KCNT2: variants seen among roughly 807,000 people sequenced by gnomAD.
The protein encoded by KCNT2 is potassium sodium-activated channel subfamily T member 2, also known as potassium channel subfamily T member 2.
KCNT2 carries 67 observed loss-of-function variants against 153.8 expected under a neutral mutation model. The observed-to-expected ratio is 0.44, with a 90% CI of 0.36 to 0.53. The LOEUF is 0.53. Among genes scored for constraint, KCNT2 ranks in the 20% least tolerant of loss-of-function variants. The probability of loss-of-function intolerance (pLI) is 0.00; values close to 1 mark genes in which losing one functional copy is unlikely to be tolerated. For missense variants in KCNT2, 975 were observed against 1,354.8 expected (o/e 0.72, Z 4.40); for synonymous variants, 500 against 458.8 (o/e 1.09, Z -1.15).
intron 8 of KCNT2, among the ~76,000 whole-genome samples, chr1:196,440,901 C>T (rs1675167159): frequency 6.6e-6 from 1 of 151,750 alleles, no homozygotes; most frequent in Non-Finnish European, 1.5e-5. Context: ...TGAGTTCCTA[C>T]AAATCTGAAC....
chr1:196,521,736 C>T (rs779937277), intron 1 of KCNT2, among the ~76,000 whole-genome samples: 54 of 151,918 alleles, frequency 3.6e-4, no homozygotes, highest in Admixed American at 9.2e-4. Flanking sequence ...CAAGTGGGAG[C>T]TAAATGATGA....
intron 5 of KCNT2, among the ~76,000 whole-genome samples, chr1:196,474,089 G>A (rs1411449744): frequency 3.3e-5 from 5 of 151,960 alleles, no homozygotes; most frequent in African/African-American, 9.7e-5. Context: ...AATCCAATTA[G>A]TCTACATTTA....
Position 196,411,861 on chromosome 1 carries a change from A to C in KCNT2, c.1185+11189T>G, listed in dbSNP as rs553989714. Among the ~76,000 whole-genome samples, 11 of 151,924 alleles carry C rather than the reference A, an allele frequency of 7.2e-5. No homozygotes were observed. The South Asian group carries it at 2.3e-3, about 32-fold the overall frequency. On this transcript the variant is annotated intron_variant, in intron 12 of 27. Coordinates refer to ENST00000294725, the MANE Select transcript of KCNT2 (RefSeq NM_198503.5). ...TTGTGGATATTACCAATCCCTGTAT[A>C]TGCTATGTTTTTAACTATAGATATG...
In KCNT2 at chr1:196,252,272, A is replaced by G. The variant is rs113779496; in HGVS notation, c.3211+5922T>C. Among the ~76,000 whole-genome samples, 752 of 151,856 alleles carry G rather than the reference A, an allele frequency of 5.0e-3. 6 individuals carry two copies. The highest frequency in any genetic ancestry group is 0.017 in the African/African-American group (704 of 41,524). ...GCAAACTTTTGTTCTGTAAAGAGCC[A>G]GATAGTAAATATTTTAGGCTTTGCA... On this transcript the variant is annotated intron_variant, in intron 26 of 27. Transcript: ENST00000294725.
chr1:196,497,302 T>C (rs1357074444), intron 1 of KCNT2, among the ~76,000 whole-genome samples: 1 of 152,090 alleles, frequency 6.6e-6, no homozygotes, highest in Admixed American at 6.5e-5. Flanking sequence ...TTACATAACT[T>C]TCATGTTTTA....
rs553172069 is a variant in KCNT2, at chr1:196,277,876, C to CA, written c.2910+2983dup. Among the ~76,000 whole-genome samples the CA allele has an allele frequency of 2.6e-3, 385 of 150,478 alleles. 3 individuals are homozygous for CA. The highest frequency in any genetic ancestry group is 5.2e-3 in the Admixed American group (78 of 15,086). On this transcript the variant is annotated intron_variant, in intron 25 of 27. Transcript: ENST00000294725. ...AAAATAATGTTTTATTCTTTAAATA[C>CA]AAAAAAAAACCTCAATGTCTTTATT...
At chr1:196,369,627 C>T (rs1668347767) in intron 14 of KCNT2, among the ~76,000 whole-genome samples, 1 of 152,118 alleles carries the variant, frequency 6.6e-6, no homozygotes, top group African/African-American at 2.4e-5. Context: ...TTTCCAATTT[C>T]ATCCATGTCC....
intron 1 of KCNT2, among the ~76,000 whole-genome samples, chr1:196,602,491 A>T (rs1472822562): frequency 6.6e-6 from 1 of 152,226 alleles, no homozygotes; most frequent in African/African-American, 2.4e-5. Context: ...CAGGGAAATG[A>T]TTAAGTCACT....
At chr1:196,250,712 C>G (rs181583627) in intron 26 of KCNT2, among the ~76,000 whole-genome samples, 4 of 152,058 alleles carry the variant, frequency 2.6e-5, no homozygotes, top group African/African-American at 4.8e-5. Context: ...AAACTATCTG[C>G]AAACTGTGTA....
chr1:196,250,074 T>C (rs758021619), intron 26 of KCNT2, among the ~76,000 whole-genome samples: 2 of 152,054 alleles, frequency 1.3e-5, no homozygotes, highest in Non-Finnish European at 2.9e-5. Context: ...ACCAATGATA[T>C]TCTTCACACA....
intron 1 of KCNT2, among the ~76,000 whole-genome samples, chr1:196,522,360 G>T (rs906106381): frequency 1.5e-4 from 23 of 152,268 alleles, no homozygotes; most frequent in African/African-American, 5.1e-4. Flanking sequence ...ACTACTAGAG[G>T]TACCAGCAGT....
intron 21 of KCNT2, among the ~76,000 whole-genome samples, chr1:196,311,447 A>G (rs1403019721): frequency 6.6e-6 from 1 of 151,910 alleles, no homozygotes; most frequent in Non-Finnish European, 1.5e-5. Context: ...ATAACAATCC[A>G]TGACCTGTTT....
intron 14 of KCNT2, among the ~76,000 whole-genome samples, chr1:196,365,628 A>G (rs946806450): frequency 3.3e-5 from 5 of 152,214 alleles, no homozygotes; most frequent in African/African-American, 9.6e-5. Flanking sequence ...TCTAAATAAA[A>G]TTATGAACAT....
intron 14 of KCNT2, among the ~76,000 whole-genome samples, chr1:196,346,568 A>G (rs1666160962): frequency 6.6e-6 from 1 of 152,138 alleles, no homozygotes; most frequent in African/African-American, 2.4e-5. Context: ...ATTTTTAAGT[A>G]TATAAGATAA....
chr1:196,472,951 A>G (rs76590003), intron 5 of KCNT2, among the ~76,000 whole-genome samples: 1,727 of 152,206 alleles, frequency 0.011, 28 homozygotes, highest in South Asian at 0.071. Flanking sequence ...CTATTCAGAT[A>G]CTTACAAAAC....
chr1:196,531,545 G>A (rs940359276), intron 1 of KCNT2, among the ~76,000 whole-genome samples: 1 of 151,968 alleles, frequency 6.6e-6, no homozygotes, highest in Non-Finnish European at 1.5e-5. Flanking sequence ...TAGAACTCAC[G>A]GGTCAAAGCT....
At chr1:196,525,593 A>G (rs576438627) in intron 1 of KCNT2, among the ~76,000 whole-genome samples, 8 of 152,354 alleles carry the variant, frequency 5.3e-5, no homozygotes, top group Non-Finnish European at 1.0e-4. Flanking sequence ...GTGCTAAACT[A>G]ACATTTATTG....
intron 1 of KCNT2, among the ~76,000 whole-genome samples, chr1:196,552,911 A>C (rs144187639): frequency 2.2e-4 from 33 of 151,502 alleles, no homozygotes; most frequent in African/African-American, 7.2e-4. Flanking sequence ...ATCAGAAAAC[A>C]TACAATGGAT....
At chr1:196,555,862 T>TCTCATTTTTGAC (rs1658585018) in intron 1 of KCNT2, among the ~76,000 whole-genome samples, 1 of 151,238 alleles carries the variant, frequency 6.6e-6, no homozygotes, top group Non-Finnish European at 1.5e-5. Flanking sequence ...CCTATGGTGA[T>TCTCATTTTTGAC]CTCATTTTTG....
Sources: gnomAD v4.1 joint callset for allele counts (sites outside exome capture counted in the v4.1 genomes callset) on GRCh38, gnomAD v4.1.1 for gene constraint, MANE v1.5 for transcripts, NCBI Gene and HGNC (gene_info 2026-07-23, HGNC 2026-07-21) for gene names.